Variants in FNIP1 observed in about 807,000 individuals in gnomAD.
The protein encoded by FNIP1 is folliculin interacting protein 1.
FNIP1 carries 40 observed loss-of-function variants against 124.5 expected under a neutral mutation model. That is an observed-to-expected ratio of 0.32 (90% CI 0.25 to 0.42). The LOEUF is 0.42. Among genes scored for constraint, FNIP1 ranks in the 10% least tolerant of loss-of-function variants. FNIP1 has a pLI of 1.00. For synonymous variants in FNIP1, 472 were observed against 470.6 expected, an observed-to-expected ratio of 1.00 and a Z score of -0.04; for missense variants, 1,176 against 1,403.7, an observed-to-expected ratio of 0.84 and a Z score of 2.59.
At chr5:131,696,803 A>C (rs1235083086) in intron 11 of FNIP1, among the ~76,000 whole-genome samples, 1 of 152,182 alleles carries the variant, frequency 6.6e-6, no homozygotes, top group East Asian at 1.9e-4. Context: ...CATTTCCCCT[A>C]ACCACTGAGT....
intron 2 of FNIP1, among the ~76,000 whole-genome samples, chr5:131,739,146 T>C (rs557094885): frequency 1.3e-5 from 2 of 152,268 alleles, no homozygotes; most frequent in African/African-American, 4.8e-5. Flanking sequence ...CACAGATATA[T>C]AGGAACTCCC....
chr5:131,784,775 C>T (rs981476352), intron 1 of FNIP1, among the ~76,000 whole-genome samples: 1 of 151,078 alleles, frequency 6.6e-6, no homozygotes, highest in Middle Eastern at 3.2e-3. Context: ...TGAGCCATGA[C>T]CACGCCACTG....
chr5:131,752,200 C>T (rs1466998361), intron 1 of FNIP1, among the ~76,000 whole-genome samples: 1 of 152,154 alleles, frequency 6.6e-6, no homozygotes, highest in African/African-American at 2.4e-5. Flanking sequence ...CCAGCCACCA[C>T]GTCCGGCTAA....
At chr5:131,778,512 A>T (rs1423054579) in intron 1 of FNIP1, among the ~76,000 whole-genome samples, 1 of 143,604 alleles carries the variant, frequency 7.0e-6, no homozygotes, top group Non-Finnish European at 1.5e-5. Flanking sequence ...GCTGGAGAGG[A>T]TGTGGAGAAA....
intron 17 of FNIP1, 45 bp downstream of exon 17, chr5:131,647,045 G>T (rs1766904378): frequency 1.3e-6 from 2 of 1,528,188 alleles, no homozygotes; most frequent in Non-Finnish European, 1.8e-6. Context: ...CTTGCCTGAT[G>T]ACAGGGCAAT....
chr5:131,757,543 GC>G (rs1034670258), intron 1 of FNIP1, among the ~76,000 whole-genome samples: 20 of 151,934 alleles, frequency 1.3e-4, no homozygotes, highest in Non-Finnish European at 2.4e-4. Context: ...TAGTGACAGG[GC>G]CAAGTTACTA....
intron 2 of FNIP1, among the ~76,000 whole-genome samples, chr5:131,732,327 T>C (rs1423249569): frequency 6.6e-6 from 1 of 152,232 alleles, no homozygotes; most frequent in Non-Finnish European, 1.5e-5. Context: ...AGTCTCCAGT[T>C]ATCTCTAACC....
chr5:131,692,611 T>TA (rs1226270419), intron 11 of FNIP1, among the ~76,000 whole-genome samples: 1 of 152,060 alleles, frequency 6.6e-6, no homozygotes, highest in Non-Finnish European at 1.5e-5. Context: ...TACTTAAGAA[T>TA]AAAAACAAAG....
intron 3 of FNIP1, among the ~76,000 whole-genome samples, chr5:131,722,067 T>C (rs1048734855): frequency 6.6e-6 from 1 of 152,144 alleles, no homozygotes; most frequent in African/African-American, 2.4e-5. Context: ...AGATAGGAGA[T>C]TTAGAATAAT....
chr5:131,796,916 G>T lies in FNIP1; in HGVS notation c.6C>A (p.Ala2=). The change falls in exon 1 of 18, where the codon GCC becomes GCA. Residue 2 remains alanine, a synonymous_variant. Coordinates refer to ENST00000510461, the MANE Select transcript of FNIP1 (RefSeq NM_133372.3). ...TGAAGAGCTTCTGGAACAGCGTAGG[G>T]GCCATGCTAGCCACGGCCAGGCAGG... M[A]PTLFQKLFSK... The T allele has an allele frequency of 1.2e-6, 2 of 1,605,534 alleles. No homozygotes were observed. The highest frequency in any genetic ancestry group is 1.7e-6 in the Non-Finnish European group (2 of 1,176,806).
At chr5:131,692,335 A>G (rs1276303434) in intron 11 of FNIP1, among the ~76,000 whole-genome samples, 6 of 150,988 alleles carry the variant, frequency 4.0e-5, no homozygotes, top group Non-Finnish European at 7.4e-5. Flanking sequence ...AAAAACATGT[A>G]TAAATCTGAG....
chr5:131,708,118 TG>T (rs1769174488), intron 8 of FNIP1, among the ~76,000 whole-genome samples: 1 of 152,210 alleles, frequency 6.6e-6, no homozygotes, highest in South Asian at 2.1e-4. Flanking sequence ...TGTTAGGTTT[TG>T]CATTTTGTTT....
At chr5:131,673,969 G>T (rs963780048) in intron 13 of FNIP1, among the ~76,000 whole-genome samples, 8 of 152,160 alleles carry the variant, frequency 5.3e-5, no homozygotes, top group African/African-American at 1.9e-4. Context: ...CCAGGAGGCA[G>T]AGGGTGCACT....
rs1472851303 is a variant in FNIP1 at position 131,709,199 on chromosome 5, A to G, written c.778+2T>C. 6.2e-7 allele frequency: 1 copy of G among 1,612,706 alleles called. No individual in the cohort carries two copies. Among genetic ancestry groups the G allele is most frequent in the Non-Finnish European group, 8.5e-7 (1 of 1,178,864 alleles). ...AAACTGAATACAAGAACGTGACATT[A>G]CCAGACCGTGCTATGCCACTGTCTC... On this transcript the variant is annotated splice_donor_variant, in intron 8 of 17. Coordinates refer to ENST00000510461, the MANE Select transcript of FNIP1 (RefSeq NM_133372.3). LOFTEE classifies it high-confidence loss of function.
chr5:131,645,496 A>G (rs867853581), intron 17 of FNIP1, among the ~76,000 whole-genome samples: 5 of 152,142 alleles, frequency 3.3e-5, no homozygotes, highest in South Asian at 2.1e-4. Context: ...TGGTTAGAGA[A>G]ATGTGAATAA....
At chr5:131,719,209 T>TGGA in intron 4 of FNIP1, 108 bp downstream of exon 4, 1 of 1,174,172 alleles carries the variant, frequency 8.5e-7, no homozygotes, top group Non-Finnish European at 1.2e-6. Flanking sequence ...ACATGTTAAA[T>TGGA]GGAGTATGAC....
At chr5:131,716,505 A>G in intron 6 of FNIP1, 60 bp downstream of exon 6, 1 of 1,192,692 alleles carries the variant, frequency 8.4e-7, no homozygotes, top group Non-Finnish European at 1.2e-6. Context: ...AATAACTTCA[A>G]AAAACACTTG....
intron 12 of FNIP1, 88 bp from the exon 13 acceptor site, chr5:131,677,960 T>C: frequency 4.4e-6 from 6 of 1,375,594 alleles, no homozygotes; most frequent in Non-Finnish European, 5.9e-6. Flanking sequence ...AAGGGGAGTA[T>C]ATATGTTCAT....
At chr5:131,773,115 T>A (rs1326522219) in intron 1 of FNIP1, among the ~76,000 whole-genome samples, 1 of 152,164 alleles carries the variant, frequency 6.6e-6, no homozygotes. Flanking sequence ...CCTTACTTCA[T>A]CCAACCTGAA....
Sources: gnomAD v4.1 joint callset for allele counts (sites outside exome capture counted in the v4.1 genomes callset) on GRCh38, gnomAD v4.1.1 for gene constraint, MANE v1.5 for transcripts, NCBI Gene and HGNC (gene_info 2026-07-23, HGNC 2026-07-21) for gene names.